Variants in BMERB1 observed in about 807,000 individuals in gnomAD.
BMERB1 encodes bMERB domain-containing protein 1.
Under a neutral mutation model 23.6 loss-of-function variants are expected in BMERB1, and 12 were observed. The ratio of observed to expected loss-of-function variants is 0.51; its 90% confidence interval spans 0.33 to 0.82. The LOEUF (loss-of-function observed/expected upper bound fraction) is 0.82, where lower values mean the gene tolerates loss of function less well. Ranked by LOEUF, BMERB1 falls within the 40% of genes least tolerant of loss-of-function variation. The pLI, the probability that BMERB1 is intolerant of heterozygous loss-of-function variation, is 0.03. For missense variants in BMERB1, 247 were observed against 255.4 expected (o/e 0.97, Z 0.22); for synonymous variants, 122 against 96.6 (o/e 1.26, Z -1.54).
chr16:15,582,631 ATC>A (rs1002450880), intron 4 of BMERB1, among the ~76,000 whole-genome samples: 23 of 151,218 alleles, frequency 1.5e-4, no homozygotes, highest in Non-Finnish European at 2.7e-4. Flanking sequence ...AGGTGGGAGG[ATC>A]TCTTGAGCCC....
At chr16:15,565,464 C>T (rs2030538781) in intron 2 of BMERB1, among the ~76,000 whole-genome samples, 1 of 152,214 alleles carries the variant, frequency 6.6e-6, no homozygotes, top group Non-Finnish European at 1.5e-5. Flanking sequence ...TCTGTCTCTG[C>T]TAGCAAAATG....
At chr16:15,450,108 G>A (rs1273872990) in intron 1 of BMERB1, among the ~76,000 whole-genome samples, 1 of 151,730 alleles carries the variant, frequency 6.6e-6, no homozygotes, top group Non-Finnish European at 1.5e-5. Context: ...CAGGTCATAT[G>A]GCCCCTGTTG....
At chr16:15,567,047 G>T (rs1460799722) in intron 2 of BMERB1, among the ~76,000 whole-genome samples, 1 of 151,826 alleles carries the variant, frequency 6.6e-6, no homozygotes, top group Non-Finnish European at 1.5e-5. Context: ...TTAGCCTGTA[G>T]TCCCAGCTAC....
At chr16:15,480,755 A>G (rs1192992824) in intron 1 of BMERB1, among the ~76,000 whole-genome samples, 1 of 151,774 alleles carries the variant, frequency 6.6e-6, no homozygotes, top group Non-Finnish European at 1.5e-5. Context: ...CTGGGACTAC[A>G]GGCATGCACC....
intron 2 of BMERB1, among the ~76,000 whole-genome samples, chr16:15,532,654 G>A (rs1410895221): frequency 2.8e-5 from 4 of 141,350 alleles, no homozygotes; most frequent in East Asian, 2.1e-4. Flanking sequence ...CACGCCATTC[G>A]CCTGCCTCAG....
At chr16:15,549,348 CAAAAAA>C (rs11367653) in intron 2 of BMERB1, among the ~76,000 whole-genome samples, 8 of 93,938 alleles carry the variant, frequency 8.5e-5, no homozygotes, top group Admixed American at 2.3e-4. Context: ...GATTCTATCT[CAAAAAA>C]AAAAAAAAAA....
intron 2 of BMERB1, among the ~76,000 whole-genome samples, chr16:15,552,647 C>T (rs1292123608): frequency 6.6e-6 from 1 of 152,220 alleles, no homozygotes; most frequent in Non-Finnish European, 1.5e-5. Flanking sequence ...AAAACAAGCT[C>T]TGGTCTCAGT....
At chr16:15,442,641 A>C (rs1199285486) in intron 1 of BMERB1, among the ~76,000 whole-genome samples, 1 of 152,192 alleles carries the variant, frequency 6.6e-6, no homozygotes, top group East Asian at 1.9e-4. Flanking sequence ...CCATTCAATG[A>C]GTTTTAGCTA....
At position 15,549,526 on chromosome 16, in the gene BMERB1, A is replaced by G. The variant is rs974042479; in HGVS notation, c.231-18457A>G. Among the ~76,000 whole-genome samples the G allele has an allele frequency of 7.3e-5, 11 of 151,688 alleles. 1 individual carries two copies. The highest frequency in any genetic ancestry group is 2.7e-4 in the African/African-American group (11 of 41,264). On this transcript the variant is annotated intron_variant, in intron 2 of 5. Coordinates refer to ENST00000300006, the MANE Select transcript of BMERB1 (RefSeq NM_033201.3). ...AAACCCTGTCTCTACTAAAAATACA[A>G]ATATTAGCTGGGCGTGGTGGCGGGC...
At chr16:15,494,307 A>G (rs945604651) in intron 1 of BMERB1, among the ~76,000 whole-genome samples, 2 of 152,098 alleles carry the variant, frequency 1.3e-5, no homozygotes, top group Non-Finnish European at 2.9e-5. Flanking sequence ...TTATTCTCTC[A>G]TATGGTCCCA....
At chr16:15,521,646 G>C (rs576280471) in intron 2 of BMERB1, among the ~76,000 whole-genome samples, 1 of 152,232 alleles carries the variant, frequency 6.6e-6, no homozygotes, top group South Asian at 2.1e-4. Context: ...GTGTTCCCTT[G>C]CTGACTTCCC....
intron 3 of BMERB1, among the ~76,000 whole-genome samples, chr16:15,580,203 C>CTTGGCT (rs201647463): frequency 0.061 from 9,201 of 151,590 alleles, 969 homozygotes; most frequent in African/African-American, 0.21. Context: ...CTCAAGAGAT[C>CTTGGCT]CACCCACCTC....
intron 1 of BMERB1, among the ~76,000 whole-genome samples, chr16:15,471,890 A>G (rs1391394710): frequency 4.6e-5 from 7 of 152,174 alleles, no homozygotes; most frequent in African/African-American, 1.7e-4. Flanking sequence ...CTTTCTTCAT[A>G]TAAGCATTTA....
chr16:15,481,569 G>A lies in BMERB1; in HGVS notation c.107-33736G>A, dbSNP rs115466486. Among the ~76,000 whole-genome samples, 880 of 151,968 alleles carry A rather than the reference G, an allele frequency of 5.8e-3. 8 individuals are homozygous for A. Among genetic ancestry groups the A allele is most frequent in the African/African-American group, 0.02 (827 of 41,480 alleles). On this transcript the variant is annotated intron_variant, in intron 1 of 5. Coordinates refer to ENST00000300006, the MANE Select transcript of BMERB1 (RefSeq NM_033201.3). ...AGGTGCATGCCCAACTACTACCAGCGATTTGTCACCTCTGAGAAGAGGAGT... is the reference window on the plus strand; with the variant it reads ...AGGTGCATGCCCAACTACTACCAGCAATTTGTCACCTCTGAGAAGAGGAGT...
intron 1 of BMERB1, chr16:15,447,950 C>T (rs764243047): frequency 2.0e-5 from 9 of 454,936 alleles, no homozygotes; most frequent in South Asian, 3.1e-5. Flanking sequence ...AGTGCAGTGG[C>T]GTGATCACGG....
chr16:15,435,439 T>C (rs958555204), intron 1 of BMERB1, among the ~76,000 whole-genome samples: 1 of 152,220 alleles, frequency 6.6e-6, no homozygotes, highest in African/African-American at 2.4e-5. Flanking sequence ...TGTCAACATT[T>C]CTAAGTAAAC....
chr16:15,538,065 C>T (rs987884348), intron 2 of BMERB1, among the ~76,000 whole-genome samples: 1 of 152,194 alleles, frequency 6.6e-6, no homozygotes, highest in African/African-American at 2.4e-5. Context: ...CCTTTGAAAG[C>T]AACACTTTGG....
Position 15,515,429 on chromosome 16 carries a change from G to A in BMERB1, c.230+1G>A. On this transcript the variant is annotated splice_donor_variant, in intron 2 of 5. Coordinates refer to ENST00000300006, the MANE Select transcript of BMERB1 (RefSeq NM_033201.3). LOFTEE classifies it high-confidence loss of function. Reference sequence around the variant, plus strand: ...GCCGGGAGTCTGAGCTCAGGTTCATGTGAGTGTTTTGGGGATGTGGCCAAG... The same window carrying A: ...GCCGGGAGTCTGAGCTCAGGTTCATATGAGTGTTTTGGGGATGTGGCCAAG... The A allele has an allele frequency of 6.2e-7, 1 of 1,613,446 alleles. No individual in the cohort carries two copies. Among genetic ancestry groups the A allele is most frequent in the Non-Finnish European group, 8.5e-7 (1 of 1,179,818 alleles).
At chr16:15,549,495 G>A (rs1318126291) in intron 2 of BMERB1, among the ~76,000 whole-genome samples, 2 of 151,886 alleles carry the variant, frequency 1.3e-5, no homozygotes, top group Non-Finnish European at 2.9e-5. Flanking sequence ...CCTGGCCAAC[G>A]TGGTGAAACC....
Sources: allele counts gnomAD v4.1 joint callset (sites outside exome capture counted in the v4.1 genomes callset), GRCh38; gene constraint gnomAD v4.1.1; transcripts MANE v1.5; gene names NCBI Gene and HGNC (gene_info 2026-07-23, HGNC 2026-07-21).